GRID2: variants seen among roughly 807,000 people sequenced by gnomAD.
GRID2 encodes the protein glutamate ionotropic receptor delta type subunit 2, also known as glutamate receptor ionotropic, delta-2.
In GRID2, 33 loss-of-function variants were observed where a neutral mutation model predicts 114.8. That is an observed-to-expected ratio of 0.29 (90% CI 0.22 to 0.38). The LOEUF is 0.38. Among genes scored for constraint, GRID2 ranks in the 10% least tolerant of loss-of-function variants. The pLI is 1.00. For missense variants in GRID2, 1,184 were observed against 1,257.7 expected (o/e 0.94, Z 0.89); for synonymous variants, 505 against 449.9 (o/e 1.12, Z -1.55).
At chr4:93,257,533 G>C (rs1235702231) in intron 8 of GRID2, among the ~76,000 whole-genome samples, 3 of 151,566 alleles carry the variant, frequency 2.0e-5, no homozygotes, top group African/African-American at 7.3e-5. Context: ...TGTTTCTATA[G>C]ATAGAAGACA....
intron 1 of GRID2, among the ~76,000 whole-genome samples, chr4:92,440,086 G>A (rs891050567): frequency 6.8e-6 from 1 of 146,264 alleles, no homozygotes; most frequent in South Asian, 2.3e-4. Flanking sequence ...AGCATTCCGA[G>A]GACAGGCCTG....
chr4:92,381,241 G>A (rs1181233271), intron 1 of GRID2, among the ~76,000 whole-genome samples: 1 of 151,984 alleles, frequency 6.6e-6, no homozygotes, highest in East Asian at 1.9e-4. Context: ...GCCAGGTGAC[G>A]GAGTGACTGA....
In GRID2 at chr4:93,258,559, C is replaced by T. The variant is rs542472883; in HGVS notation, c.1245+20069C>T. Reference sequence around the variant, plus strand: ...TCAAAGACATGTTTTGAAAAAAAGACTCAGAGTTGTAAAGAGACAAATGTG... The same window carrying T: ...TCAAAGACATGTTTTGAAAAAAAGATTCAGAGTTGTAAAGAGACAAATGTG... On this transcript the variant is annotated intron_variant, in intron 8 of 15. Transcript: ENST00000282020. Among the ~76,000 whole-genome samples, 42 of 151,642 alleles carry T rather than the reference C, an allele frequency of 2.8e-4. No individual in the cohort carries two copies. The South Asian group carries it at 8.1e-3, about 29-fold the overall frequency.
chr4:93,229,992 G>C (rs752962565), intron 7 of GRID2, among the ~76,000 whole-genome samples: 55 of 152,110 alleles, frequency 3.6e-4, no homozygotes, highest in Admixed American at 8.5e-4. Flanking sequence ...ATTTTTGAAG[G>C]AATTATAGTT....
chr4:92,899,648 A>C (rs1012137312), intron 2 of GRID2, among the ~76,000 whole-genome samples: 6 of 152,206 alleles, frequency 3.9e-5, no homozygotes, highest in African/African-American at 1.2e-4. Context: ...TGATCTTCAG[A>C]TCTTCAGACC....
intron 10 of GRID2, among the ~76,000 whole-genome samples, chr4:93,446,674 G>A (rs1009088037): frequency 6.6e-6 from 1 of 151,890 alleles, no homozygotes. Flanking sequence ...ACAGACTCCA[G>A]CAATTTTCAC....
intron 1 of GRID2, among the ~76,000 whole-genome samples, chr4:92,384,576 A>ATAT (rs376486621): frequency 0.025 from 1,768 of 70,840 alleles, 105 homozygotes; most frequent in African/African-American, 0.037. Flanking sequence ...ATAATATATA[A>ATAT]AATATATTAT....
intron 10 of GRID2, among the ~76,000 whole-genome samples, chr4:93,448,656 AATC>A (rs753129602): frequency 3.3e-5 from 5 of 152,040 alleles, no homozygotes; most frequent in Admixed American, 6.6e-5. Context: ...GAAATTAAGA[AATC>A]ATCATGTTAA....
At chr4:93,190,262 C>G (rs1740857570) in intron 4 of GRID2, among the ~76,000 whole-genome samples, 1 of 152,028 alleles carries the variant, frequency 6.6e-6, no homozygotes, top group Non-Finnish European at 1.5e-5. Context: ...ATTTCTAGAA[C>G]TTAATATAGA....
At chr4:93,034,409 A>C (rs1002387306) in intron 2 of GRID2, among the ~76,000 whole-genome samples, 1 of 152,182 alleles carries the variant, frequency 6.6e-6, no homozygotes, top group East Asian at 1.9e-4. Flanking sequence ...TGAGGGATTA[A>C]AAACTTGGAA....
intron 14 of GRID2, among the ~76,000 whole-genome samples, chr4:93,700,177 G>A (rs1174613372): frequency 6.6e-6 from 1 of 152,144 alleles, no homozygotes; most frequent in Non-Finnish European, 1.5e-5. Context: ...CTCCTGCTAA[G>A]TGGATTGACA....
chr4:93,126,786 A>T (rs1734317733), intron 4 of GRID2, among the ~76,000 whole-genome samples: 1 of 150,566 alleles, frequency 6.6e-6, no homozygotes, highest in Non-Finnish European at 1.5e-5. Flanking sequence ...TTTAGTAGAG[A>T]CGGGGTTTCA....
intron 1 of GRID2, among the ~76,000 whole-genome samples, chr4:92,584,890 TAAAA>T (rs1728354912): frequency 2.0e-5 from 3 of 152,070 alleles, no homozygotes; most frequent in Non-Finnish European, 4.4e-5. Flanking sequence ...TGAAAACATT[TAAAA>T]TGTTTGCACT....
intron 2 of GRID2, among the ~76,000 whole-genome samples, chr4:92,830,532 A>G (rs1742033341): frequency 6.6e-6 from 1 of 152,100 alleles, no homozygotes; most frequent in South Asian, 2.1e-4. Flanking sequence ...ATTTAAGCAT[A>G]CTATTATTAT....
At chr4:93,334,823 C>T (rs569138216) in intron 8 of GRID2, among the ~76,000 whole-genome samples, 117 of 152,052 alleles carry the variant, frequency 7.7e-4, no homozygotes, top group African/African-American at 2.7e-3. Flanking sequence ...CCCGGCTACT[C>T]GGGAGGCTAA....
chr4:93,647,085 T>A (rs1464980069), intron 14 of GRID2, among the ~76,000 whole-genome samples: 1 of 152,140 alleles, frequency 6.6e-6, no homozygotes, highest in Non-Finnish European at 1.5e-5. Context: ...TATGAAAGAT[T>A]TCTGTGTTAG....
intron 14 of GRID2, among the ~76,000 whole-genome samples, chr4:93,718,914 A>G (rs1578651580): frequency 6.6e-6 from 1 of 152,270 alleles, no homozygotes; most frequent in East Asian, 1.9e-4. Context: ...TTAAAATTTC[A>G]TAGAAGGTTA....
At chr4:93,751,650 G>A (rs912766282) in intron 14 of GRID2, among the ~76,000 whole-genome samples, 3 of 152,180 alleles carry the variant, frequency 2.0e-5, no homozygotes, top group Admixed American at 2.0e-4. Context: ...GAGATCTGGA[G>A]AGTGAGCTAG....
chr4:93,310,888 A>G (rs778445487), intron 8 of GRID2, among the ~76,000 whole-genome samples: 18 of 152,204 alleles, frequency 1.2e-4, no homozygotes, highest in Non-Finnish European at 2.2e-4. Context: ...AGAGTTATTT[A>G]TAGGATTACA....
Sources: gnomAD v4.1 joint callset for allele counts (sites outside exome capture counted in the v4.1 genomes callset) on GRCh38, gnomAD v4.1.1 for gene constraint, MANE v1.5 for transcripts, NCBI Gene and HGNC (gene_info 2026-07-23, HGNC 2026-07-21) for gene names.